Variants in DAB1 observed in about 807,000 individuals in gnomAD.
DAB1 encodes disabled homolog 1.
Under a neutral mutation model 64.6 loss-of-function variants are expected in DAB1, and 15 were observed. That is an observed-to-expected ratio of 0.23 (90% CI 0.16 to 0.36). DAB1 has a LOEUF of 0.36. DAB1 is among the 10% of genes least tolerant of loss of function. DAB1 has a pLI of 1.00. For synonymous variants in DAB1, 235 were observed against 251.9 expected, an observed-to-expected ratio of 0.93 and a Z score of 0.64; for missense variants, 596 against 706.7, an observed-to-expected ratio of 0.84 and a Z score of 1.78.
intron 4 of DAB1, among the ~76,000 whole-genome samples, chr1:58,211,610 C>T (rs921337437): frequency 7.9e-5 from 12 of 152,158 alleles, no homozygotes; most frequent in Non-Finnish European, 1.3e-4. Flanking sequence ...TTGCTACAAT[C>T]ATAATAAGAT....
chr1:57,880,655 A>G (rs1169560173), intron 1 of DAB1: 1 of 152,164 alleles, frequency 6.6e-6, no homozygotes, highest in African/African-American at 2.4e-5. Context: ...AACAAGAGTC[A>G]TCAGTCTCTA....
chr1:57,023,062 G>T (rs939550763), intron 11 of DAB1, among the ~76,000 whole-genome samples: 1 of 152,210 alleles, frequency 6.6e-6, no homozygotes, highest in African/African-American at 2.4e-5. Flanking sequence ...GTTTGCTCTT[G>T]TCCCATAGGG....
At chr1:58,236,858 A>G (rs944192930) in intron 4 of DAB1, among the ~76,000 whole-genome samples, 6 of 152,214 alleles carry the variant, frequency 3.9e-5, no homozygotes, top group Admixed American at 3.3e-4. Context: ...TTGCTTTTAC[A>G]GTTTTTTGAG....
chr1:57,331,612 TC>T (rs1294986026), intron 1 of DAB1, among the ~76,000 whole-genome samples: 17 of 152,340 alleles, frequency 1.1e-4, no homozygotes, highest in African/African-American at 4.1e-4. Context: ...AATACTGGAA[TC>T]CTGCTTCCCA....
At chr1:57,015,494 G>T in intron 11 of DAB1, 63 bp from the exon 12 acceptor site, 2 of 1,432,770 alleles carry the variant, frequency 1.4e-6, no homozygotes, top group South Asian at 1.4e-5. Context: ...AGGATGCATG[G>T]ACTCAGGTAA....
intron 5 of DAB1, chr1:58,150,460 G>A (rs887934572): frequency 2.0e-5 from 3 of 152,060 alleles, no homozygotes; most frequent in African/African-American, 7.2e-5. Context: ...AAAATAACTG[G>A]AAGACAGGCT....
intron 14 of DAB1, among the ~76,000 whole-genome samples, chr1:57,005,336 A>C (rs1296808491): frequency 6.6e-6 from 1 of 152,178 alleles, no homozygotes; most frequent in Non-Finnish European, 1.5e-5. Context: ...CTAATTATCT[A>C]CCATAAGCAG....
chr1:57,014,915 G>A lies in DAB1; in HGVS notation c.1412C>T (p.Pro471Leu), dbSNP rs1646375375. ...DFDISQLNLT[P>L]VTSTTPSTNS... The stretch of plus-strand genomic sequence containing the variant: ...GGTCGATGGTGTGGTAGAAGTCACA[G>A]GGGTCAAATTCAACTGGGAGATGTC... Residue 471 changes from proline to leucine, a missense_variant, in exon 12 of 15, where the codon CCT becomes CTT. By Grantham distance (98) the Pro-to-Leu change is moderately conservative. Coordinates refer to ENST00000371236, the MANE Select transcript of DAB1 (RefSeq NM_001365792.1). 1 of 1,595,696 alleles carries A rather than the reference G, an allele frequency of 6.3e-7. No individual in the cohort carries two copies. Among genetic ancestry groups the A allele is most frequent in the African/African-American group, 1.3e-5 (1 of 74,560 alleles).
chr1:57,913,451 G>A (rs1644678582), intron 5 of DAB1, among the ~76,000 whole-genome samples: 1 of 152,170 alleles, frequency 6.6e-6, no homozygotes, highest in Non-Finnish European at 1.5e-5. Context: ...ATTCAAGATG[G>A]ATTAAAGACT....
chr1:57,577,917 C>A (rs888064765), intron 7 of DAB1, among the ~76,000 whole-genome samples: 1 of 152,140 alleles, frequency 6.6e-6, no homozygotes, highest in African/African-American at 2.4e-5. Context: ...CTCCAATGAG[C>A]AGAGGAAATA....
chr1:58,450,397 G>A (rs1220352142), intron 3 of DAB1, among the ~76,000 whole-genome samples: 3 of 152,148 alleles, frequency 2.0e-5, no homozygotes, highest in African/African-American at 4.8e-5. Flanking sequence ...CCGGGAGGTG[G>A]AGCTCAATTT....
At chr1:57,010,357 T>G (rs577207324) in intron 14 of DAB1, among the ~76,000 whole-genome samples, 3 of 152,252 alleles carry the variant, frequency 2.0e-5, no homozygotes, top group Admixed American at 6.5e-5. Flanking sequence ...TAAAATAATA[T>G]GATCAGTTCC....
In DAB1 at chr1:58,143,788, A is replaced by G. The variant is rs571880316; in HGVS notation, n.387+6723T>C. Among the ~76,000 whole-genome samples, 10 of 152,344 alleles carry G rather than the reference A, an allele frequency of 6.6e-5. No homozygotes were observed. The South Asian group carries it at 2.1e-3, about 32-fold the overall frequency. ...TCACTTTACTTACCTTACTCAAGAA[A>G]GACTCCTAGTTTCAAAACAAAAGAT... On this transcript the variant is annotated intron_variant and non_coding_transcript_variant, in intron 5 of 20. Coordinates refer to the DAB1 transcript ENST00000485760.
intron 2 of DAB1, among the ~76,000 whole-genome samples, chr1:57,273,878 A>G (rs914917253): frequency 6.6e-6 from 1 of 152,016 alleles, no homozygotes; most frequent in African/African-American, 2.4e-5. Context: ...GCCCTGCTGG[A>G]AAGGAAAAGT....
At chr1:57,792,094 T>C (rs1461612659) in intron 6 of DAB1, among the ~76,000 whole-genome samples, 8 of 152,198 alleles carry the variant, frequency 5.3e-5, no homozygotes, top group Admixed American at 4.6e-4. Flanking sequence ...ACCCTTCCAC[T>C]GAGGACTTGT....
intron 4 of DAB1, among the ~76,000 whole-genome samples, chr1:58,221,818 A>C (rs560460411): frequency 1.3e-5 from 2 of 152,296 alleles, no homozygotes; most frequent in South Asian, 4.1e-4. Flanking sequence ...TCTGGGTCTT[A>C]TAGCATCTTC....
intron 7 of DAB1, chr1:57,605,910 C>T (rs941916630): frequency 1.5e-6 from 1 of 681,060 alleles, no homozygotes; most frequent in East Asian, 2.9e-5. Context: ...AAGTAATCTG[C>T]TTAACAATCT....
At chr1:57,063,493 A>G (rs1045205559) in intron 8 of DAB1, among the ~76,000 whole-genome samples, 2 of 152,110 alleles carry the variant, frequency 1.3e-5, no homozygotes, top group African/African-American at 4.8e-5. Flanking sequence ...GTGGTATGGA[A>G]AGTGTGGGCC....
chr1:57,117,839 T>C (rs1002875241), intron 4 of DAB1, among the ~76,000 whole-genome samples: 31 of 151,588 alleles, frequency 2.0e-4, no homozygotes, highest in Non-Finnish European at 4.0e-4. Context: ...CTGGTCCTAG[T>C]TATAAAAGGC....
Sources: gnomAD v4.1 joint callset for allele counts (sites outside exome capture counted in the v4.1 genomes callset) on GRCh38, gnomAD v4.1.1 for gene constraint, MANE v1.5 for transcripts, NCBI Gene and HGNC (gene_info 2026-07-23, HGNC 2026-07-21) for gene names.